The following HEPHL1 variants were observed in gnomAD, a reference collection of about 807,000 sequenced individuals.
HEPHL1 encodes hephaestin like 1.
Under a neutral mutation model 122.0 loss-of-function variants are expected in HEPHL1, and 123 were observed. That is an observed-to-expected ratio of 1.01 (90% confidence interval 0.87 to 1.17). The LOEUF (loss-of-function observed/expected upper bound fraction) is 1.17, where lower values mean the gene tolerates loss of function less well. Among genes scored for constraint, HEPHL1 ranks in the 50% most tolerant of loss-of-function variants. The pLI is 0.00. For synonymous variants in HEPHL1, 527 were observed against 508.9 expected, an observed-to-expected ratio of 1.04 and a Z score of -0.48; for missense variants, 1,452 against 1,430.5, an observed-to-expected ratio of 1.01 and a Z score of -0.24.
chr11:94,091,956 T>C (rs1197699690), intron 12 of HEPHL1, among the ~76,000 whole-genome samples: 1 of 152,128 alleles, frequency 6.6e-6, no homozygotes, highest in Non-Finnish European at 1.5e-5. Context: ...AAGCAGACAG[T>C]GAGGCTTGAG....
chr11:94,023,600 G>T (rs1006866993), intron 1 of HEPHL1, among the ~76,000 whole-genome samples: 8 of 152,164 alleles, frequency 5.3e-5, no homozygotes, highest in Non-Finnish European at 8.8e-5. Flanking sequence ...AGTTGGTTTG[G>T]CATCAGATTT....
intron 17 of HEPHL1, among the ~76,000 whole-genome samples, chr11:94,106,340 C>T (rs1170317486): frequency 1.0e-4 from 15 of 146,882 alleles, no homozygotes; most frequent in African/African-American, 2.5e-4. Flanking sequence ...TTGCCCAGGG[C>T]GGAGTGCAGT....
intron 1 of HEPHL1, among the ~76,000 whole-genome samples, chr11:94,042,753 A>G (rs1380828614): frequency 6.9e-6 from 1 of 145,800 alleles, no homozygotes; most frequent in Non-Finnish European, 1.5e-5. Context: ...TAGGGATAGC[A>G]TTGGGAGATA....
chr11:94,105,195 G>A (rs911930687), intron 16 of HEPHL1, among the ~76,000 whole-genome samples: 5 of 152,038 alleles, frequency 3.3e-5, no homozygotes, highest in African/African-American at 1.2e-4. Flanking sequence ...TTGTTGGTGG[G>A]AGTAATGTGT....
In HEPHL1 at chr11:94,075,347, G is replaced by A; in HGVS notation, c.1678G>A (p.Val560Ile). The stretch of plus-strand genomic sequence containing the variant: ...CTCTGGCCTGGTAGGGCCTTTGCTA[G>A]TCTGTAAAAAGGGCGTCCTCAATGC... ...TSSGLVGPLL[V>I]CKKGVLNADG... Residue 560 changes from valine to isoleucine, a missense_variant, in exon 9 of 20, where the codon GTC (valine) becomes ATC (isoleucine). Coordinates refer to ENST00000315765, the MANE Select transcript of HEPHL1 (RefSeq NM_001098672.2). 1 of 1,613,306 alleles carries A rather than the reference G, an allele frequency of 6.2e-7. No individual in the cohort carries two copies. Among genetic ancestry groups the A allele is most frequent in the Non-Finnish European group, 8.5e-7 (1 of 1,179,582 alleles).
chr11:94,048,297 T>G (rs1187907977), intron 2 of HEPHL1, among the ~76,000 whole-genome samples: 1 of 152,180 alleles, frequency 6.6e-6, no homozygotes, highest in Non-Finnish European at 1.5e-5. Flanking sequence ...TAAACATTGG[T>G]GCACCACAGA....
Position 94,027,424 on chromosome 11 carries a change from G to A in HEPHL1, c.170+5886G>A, listed in dbSNP as rs142230897. Among the ~76,000 whole-genome samples, 403 of 152,322 alleles carry A rather than the reference G, an allele frequency of 2.6e-3. 8 individuals are homozygous for A. The highest frequency in any genetic ancestry group is 0.014 in the East Asian group (72 of 5,190). Reference sequence around the variant, plus strand: ...GATCAGCTCTCGTGGTAGCTCTGCCGTCTCACGGGGTTCTTTGGAGAGCAG... The same window carrying A: ...GATCAGCTCTCGTGGTAGCTCTGCCATCTCACGGGGTTCTTTGGAGAGCAG... On this transcript the variant is annotated intron_variant, in intron 1 of 19. Coordinates refer to ENST00000315765, the MANE Select transcript of HEPHL1 (RefSeq NM_001098672.2).
chr11:94,063,394 T>TA (rs1946002243), intron 2 of HEPHL1, 114 bp from the exon 3 acceptor site: 1 of 832,038 alleles, frequency 1.2e-6, no homozygotes. Context: ...CCATAGCAAA[T>TA]AAATTTTAAT....
At chr11:94,025,983 T>G (rs1234208443) in intron 1 of HEPHL1, among the ~76,000 whole-genome samples, 3 of 152,180 alleles carry the variant, frequency 2.0e-5, no homozygotes, top group Non-Finnish European at 4.4e-5. Flanking sequence ...ATAATGTCTT[T>G]AACAAATTAG....
In HEPHL1 at chr11:94,067,507, T is replaced by C. The variant is rs1205705683; in HGVS notation, c.820T>C (p.Tyr274His). The change falls in exon 5 of 20, where the codon TAC becomes CAC. Residue 274 changes from tyrosine (Y) to histidine (H), a missense_variant. Coordinates refer to ENST00000315765, the MANE Select transcript of HEPHL1 (RefSeq NM_001098672.2). ...RSNKMHALNG[Y>H]LFGNFPEPDM... ...GTTTCTGTTTCCAGCCCTCAATGGATACCTCTTCGGAAACTTCCCGGAGCC... is the reference window on the plus strand; with the variant it reads ...GTTTCTGTTTCCAGCCCTCAATGGACACCTCTTCGGAAACTTCCCGGAGCC... 1 of 1,613,498 alleles carries C rather than the reference T, an allele frequency of 6.2e-7. No homozygotes were observed. Among genetic ancestry groups the C allele is most frequent in the Admixed American group, 1.7e-5 (1 of 59,982 alleles).
intron 13 of HEPHL1, among the ~76,000 whole-genome samples, chr11:94,098,419 G>T (rs1255905637): frequency 6.6e-6 from 1 of 152,148 alleles, no homozygotes; most frequent in Non-Finnish European, 1.5e-5. Flanking sequence ...TGGGTAACCC[G>T]ACCTTTCTCT....
chr11:94,102,890 T>G, intron 14 of HEPHL1, 24 bp from the exon 15 acceptor site: 1 of 1,164,022 alleles, frequency 8.6e-7, no homozygotes, highest in Non-Finnish European at 1.3e-6. Flanking sequence ...TTCTAATAAA[T>G]TTTTTCCATT....
chr11:94,093,983 T>G (rs531837377), intron 13 of HEPHL1, among the ~76,000 whole-genome samples: 1,387 of 76,830 alleles, frequency 0.018, 46 homozygotes, highest in Non-Finnish European at 0.021. Flanking sequence ...TATATATATA[T>G]ATATATATAT....
chr11:94,064,341 T>G lies in HEPHL1; in HGVS notation c.639T>G (p.Asn213Lys). The change falls in exon 4 of 20, where the codon AAT becomes AAG. Residue 213 changes from asparagine to lysine, a missense_variant. Asn to Lys is a moderately conservative substitution (Grantham distance 94). Coordinates refer to ENST00000315765, the MANE Select transcript of HEPHL1 (RefSeq NM_001098672.2). ...GAATGTGCCTGACAGGTATCCTGAA[T>G]AGATATTCAGGGACACGGAATGATG... Reference protein sequence around the residue: ...PLLVCKEGILNRYSGTRNDVD... With the variant: ...PLLVCKEGILKRYSGTRNDVD... 3 of 1,611,794 alleles carry G rather than the reference T, an allele frequency of 1.9e-6. No homozygotes were observed. Among genetic ancestry groups the G allele is most frequent in the Non-Finnish European group, 2.5e-6 (3 of 1,178,392 alleles).
chr11:94,021,539 G>T lies in HEPHL1; in HGVS notation c.170+1G>T. The T allele has an allele frequency of 6.2e-7, 1 of 1,602,700 alleles. No homozygotes were observed. Among genetic ancestry groups the T allele is most frequent in the Non-Finnish European group, 8.5e-7 (1 of 1,173,754 alleles). ...CTGGGAAAAGTTTCACAGAAGACAA[G>T]TGAGTGAACTTAGGGTCCTCATTGA... On this transcript the variant is annotated splice_donor_variant, in intron 1 of 19. Coordinates refer to ENST00000315765, the MANE Select transcript of HEPHL1 (RefSeq NM_001098672.2). LOFTEE classifies it high-confidence loss of function.
chr11:94,086,289 C>T, intron 11 of HEPHL1, 100 bp downstream of exon 11: 1 of 836,584 alleles, frequency 1.2e-6, no homozygotes, highest in East Asian at 2.7e-5. Flanking sequence ...TTGTGCACTT[C>T]AAGTGGTGTA....
chr11:94,039,312 C>A (rs1218337743), intron 1 of HEPHL1, among the ~76,000 whole-genome samples: 1 of 151,542 alleles, frequency 6.6e-6, no homozygotes, highest in African/African-American at 2.4e-5. Flanking sequence ...GACAGATCAA[C>A]GAGACAGAAA....
chr11:94,075,470 G>A (rs901218816), intron 9 of HEPHL1, 85 bp downstream of exon 9: 11 of 964,000 alleles, frequency 1.1e-5, no homozygotes, highest in Middle Eastern at 3.3e-4. Context: ...GGAATAGTCA[G>A]TTACAAAAAG....
chr11:94,056,080 A>T (rs1945933709), intron 2 of HEPHL1: 3 of 342,554 alleles, frequency 8.8e-6, no homozygotes, highest in Non-Finnish European at 1.6e-5. Context: ...ATATGAATAC[A>T]TTTATAATGT....
Sources: gnomAD v4.1 joint callset for allele counts (sites outside exome capture counted in the v4.1 genomes callset) on GRCh38, gnomAD v4.1.1 for gene constraint, MANE v1.5 for transcripts, NCBI Gene and HGNC (gene_info 2026-07-23, HGNC 2026-07-21) for gene names.